The following SEMA6A variants were observed in gnomAD, a reference collection of about 807,000 sequenced individuals.
SEMA6A encodes semaphorin-6A.
SEMA6A carries 25 observed loss-of-function variants against 96.8 expected under a neutral mutation model. The ratio of observed to expected loss-of-function variants is 0.26; its 90% confidence interval spans 0.19 to 0.36. The LOEUF (loss-of-function observed/expected upper bound fraction) is 0.36, where lower values mean the gene tolerates loss of function less well. Ranked by LOEUF, SEMA6A falls within the 10% of genes least tolerant of loss-of-function variation. The pLI is 1.00. For missense variants in SEMA6A, 1,363 were observed against 1,323.1 expected (o/e 1.03, Z -0.47); for synonymous variants, 612 against 518.0 (o/e 1.18, Z -2.46).
At chr5:116,491,694 G>T in intron 7 of SEMA6A, 46 bp downstream of exon 7, 1 of 1,449,056 alleles carries the variant, frequency 6.9e-7, no homozygotes, top group Non-Finnish European at 9.7e-7. Context: ...GTGACAGGAT[G>T]AAACAAGCAA....
chr5:116,482,418 A>G (rs1340315640), intron 11 of SEMA6A, 26 bp downstream of exon 11: 2 of 1,606,482 alleles, frequency 1.2e-6, no homozygotes, highest in African/African-American at 2.7e-5. Context: ...AAAGTTTAAA[A>G]TAGCCATATG....
rs141954429 is a variant in SEMA6A, at chr5:116,446,488, C to G, written c.*125G>C. The stretch of plus-strand genomic sequence containing the variant: ...CTGTGTCCCAGAGAGGAGGACCCAG[C>G]GTCCTCGGCTCTGCCGCAGGCCTTC... On this transcript the variant is annotated 3_prime_UTR_variant, in exon 19 of 19. Coordinates refer to ENST00000343348, the MANE Select transcript of SEMA6A (RefSeq NM_020796.5). The G allele has an allele frequency of 1.0e-3, 800 of 799,546 alleles. 16 individuals are homozygous for G. In the East Asian group the frequency reaches 0.021, roughly 21 times the overall value. 49.5% of individuals were successfully genotyped at this position (799,546 alleles called of 1,614,324 possible).
intron 5 of SEMA6A, chr5:116,495,960 G>C: frequency 2.7e-6 from 1 of 371,898 alleles, no homozygotes; most frequent in Non-Finnish European, 4.9e-6. Context: ...TGCGGAGGTG[G>C]GCATCGGCGT....
chr5:116,461,632 A>C, intron 18 of SEMA6A, among the ~76,000 whole-genome samples: 1 of 152,190 alleles, frequency 6.6e-6, no homozygotes, highest in African/African-American at 2.4e-5. Flanking sequence ...AAAGAACTGA[A>C]GGAAAGGAGC....
At chr5:116,456,175 A>T (rs1229914881) in intron 18 of SEMA6A, among the ~76,000 whole-genome samples, 2 of 152,198 alleles carry the variant, frequency 1.3e-5, no homozygotes, top group African/African-American at 4.8e-5. Flanking sequence ...GCCCATCAGC[A>T]ACGTGGAAAA....
chr5:116,455,282 T>C (rs1754940479), intron 18 of SEMA6A, among the ~76,000 whole-genome samples: 1 of 152,182 alleles, frequency 6.6e-6, no homozygotes, highest in African/African-American at 2.4e-5. Context: ...AGAGTCATGA[T>C]AAGATAATTT....
At chr5:116,481,798 G>T (rs1212219370) in intron 11 of SEMA6A, among the ~76,000 whole-genome samples, 1 of 152,164 alleles carries the variant, frequency 6.6e-6, no homozygotes, top group Non-Finnish European at 1.5e-5. Context: ...AGACTACATA[G>T]GACTGAGAGG....
intron 18 of SEMA6A, among the ~76,000 whole-genome samples, chr5:116,452,910 G>C (rs1370784372): frequency 6.6e-6 from 1 of 152,234 alleles, no homozygotes; most frequent in Admixed American, 6.5e-5. Context: ...GGACAATGAT[G>C]AATGAGGCAT....
At chr5:116,529,241 G>A (rs1007027323) in intron 1 of SEMA6A, among the ~76,000 whole-genome samples, 3 of 152,164 alleles carry the variant, frequency 2.0e-5, no homozygotes, top group Non-Finnish European at 2.9e-5. Context: ...AGGTGAGGAA[G>A]GATGGGAAGA....
chr5:116,565,931 G>T (rs1040115614), intron 1 of SEMA6A, among the ~76,000 whole-genome samples: 3 of 152,070 alleles, frequency 2.0e-5, no homozygotes, highest in Admixed American at 6.5e-5. Context: ...GGAGGGGCGG[G>T]GAAGTGCTGA....
Position 116,446,544 on chromosome 5 carries a change from AACCTTGCTGAGCTGAGCGGGC to A in SEMA6A, c.*48_*68del. 7.5e-7 allele frequency: 1 copy of A among 1,333,570 alleles called. No individual in the cohort carries two copies. The highest frequency in any genetic ancestry group is 1.0e-6 in the Non-Finnish European group (1 of 997,164). 82.6% of individuals were successfully genotyped at this position (1,333,570 alleles called of 1,614,324 possible). A position where few individuals can be genotyped will look rare whatever the true frequency, so the allele number is the denominator to read the frequency against. ...CTGGTGGGTACTCGAGGCAGTTGAG[AACCTTGCTGAGCTGAGCGGGC>A]ACCTCGCCTTGCCTGCTGGTTCGAC... On this transcript the variant is annotated 3_prime_UTR_variant, in exon 19 of 19. Transcript: ENST00000343348.
chr5:116,452,313 T>C (rs898368237), intron 18 of SEMA6A, among the ~76,000 whole-genome samples: 2 of 152,220 alleles, frequency 1.3e-5, no homozygotes, highest in Admixed American at 1.3e-4. Flanking sequence ...GCTAAATGGT[T>C]AGTCTTTCCA....
intron 18 of SEMA6A, among the ~76,000 whole-genome samples, chr5:116,450,963 A>G (rs1346069589): frequency 6.6e-6 from 1 of 152,244 alleles, no homozygotes; most frequent in Non-Finnish European, 1.5e-5. Flanking sequence ...GAAATGATCA[A>G]GTCAACTTTG....
chr5:116,481,631 C>T (rs1383170002), intron 11 of SEMA6A, among the ~76,000 whole-genome samples: 1 of 152,126 alleles, frequency 6.6e-6, no homozygotes, highest in Non-Finnish European at 1.5e-5. Flanking sequence ...GCACACAACT[C>T]CTGGGGAAGA....
chr5:116,486,553 C>G, intron 10 of SEMA6A, 196 bp downstream of exon 10: 1 of 541,910 alleles, frequency 1.8e-6, no homozygotes, highest in Non-Finnish European at 3.3e-6. Flanking sequence ...CTAATTACTT[C>G]CCCTAAAACC....
chr5:116,475,872 T>A (rs1415585973), intron 15 of SEMA6A, among the ~76,000 whole-genome samples: 1 of 152,216 alleles, frequency 6.6e-6, no homozygotes, highest in African/African-American at 2.4e-5. Flanking sequence ...ACATCCTTCT[T>A]TACTCTAATT....
intron 1 of SEMA6A, among the ~76,000 whole-genome samples, chr5:116,526,800 A>G (rs966397555): frequency 2.6e-5 from 4 of 152,152 alleles, no homozygotes; most frequent in African/African-American, 9.7e-5. Context: ...ACTGACACCC[A>G]GCATTTGCCT....
chr5:116,461,377 C>A (rs932982740), intron 18 of SEMA6A, among the ~76,000 whole-genome samples: 1 of 152,088 alleles, frequency 6.6e-6, no homozygotes, highest in Non-Finnish European at 1.5e-5. Context: ...CTCCTTGAAA[C>A]TGCCTTGCTC....
chr5:116,504,937 G>A lies in SEMA6A; in HGVS notation c.8C>T (p.Ser3Leu), dbSNP rs747202673. The change falls in exon 2 of 19, where the codon TCA (serine) becomes TTA (leucine). Residue 3 changes from serine to leucine, a missense_variant. Ser to Leu is a moderately radical substitution (Grantham distance 145). Transcript: ENST00000343348. MR[S>L]EALLLYFTLL... ...TGTGAAATATAGCAGCAAGGCTTCTGACCTCATAGTAGTTCAGCGGGGAGA... is the reference window on the plus strand; with the variant it reads ...TGTGAAATATAGCAGCAAGGCTTCTAACCTCATAGTAGTTCAGCGGGGAGA... The A allele has an allele frequency of 3.1e-6, 5 of 1,593,806 alleles. No homozygotes were observed.
Sources: gnomAD v4.1 joint callset for allele counts (sites outside exome capture counted in the v4.1 genomes callset) on GRCh38, gnomAD v4.1.1 for gene constraint, MANE v1.5 for transcripts, NCBI Gene and HGNC (gene_info 2026-07-23, HGNC 2026-07-21) for gene names.